The following NBEA variants were observed in gnomAD, a reference collection of about 807,000 sequenced individuals.
The protein encoded by NBEA is neurobeachin, also known as lysosomal-trafficking regulator 2.
Under a neutral mutation model 343.4 loss-of-function variants are expected in NBEA, and 44 were observed. That is an observed-to-expected ratio of 0.13 (90% CI 0.10 to 0.16). The LOEUF is 0.16. Among genes scored for constraint, NBEA ranks in the 10% least tolerant of loss-of-function variants. The pLI, the probability that NBEA is intolerant of heterozygous loss-of-function variation, is 1.00. For missense variants in NBEA, 2,555 were observed against 3,631.3 expected (o/e 0.70, Z 7.62); for synonymous variants, 1,175 against 1,238.7 (o/e 0.95, Z 1.08).
intron 1 of NBEA, among the ~76,000 whole-genome samples, chr13:34,968,872 C>G (rs2059910649): frequency 7.3e-6 from 1 of 137,780 alleles, no homozygotes; most frequent in Non-Finnish European, 1.6e-5. Flanking sequence ...GTTTTAATAT[C>G]AATTATTAAT....
intron 36 of NBEA, among the ~76,000 whole-genome samples, chr13:35,334,732 C>A (rs576153584): frequency 6.6e-6 from 1 of 152,276 alleles, no homozygotes; most frequent in Non-Finnish European, 1.5e-5. Flanking sequence ...GTTATTTGAG[C>A]TCCTTATATA....
intron 10 of NBEA, among the ~76,000 whole-genome samples, chr13:35,080,928 C>A (rs2064358918): frequency 6.6e-6 from 1 of 152,094 alleles, no homozygotes; most frequent in African/African-American, 2.4e-5. Context: ...TCCCTTCCAG[C>A]AACTCTTGGT....
At chr13:35,610,719 C>T (rs569091335) in intron 48 of NBEA, among the ~76,000 whole-genome samples, 63 of 152,186 alleles carry the variant, frequency 4.1e-4, no homozygotes, top group African/African-American at 1.4e-3. Context: ...TTTATTAAAA[C>T]TTAGCTTGTT....
intron 34 of NBEA, among the ~76,000 whole-genome samples, chr13:35,241,457 T>C (rs2030259934): frequency 6.6e-6 from 1 of 151,736 alleles, no homozygotes; most frequent in South Asian, 2.1e-4. Flanking sequence ...ATATCAAATG[T>C]TTCAGGAGAA....
chr13:35,215,899 G>A (rs1431612749), intron 33 of NBEA, among the ~76,000 whole-genome samples: 4 of 150,890 alleles, frequency 2.7e-5, no homozygotes, highest in Non-Finnish European at 5.9e-5. Context: ...ATTTATTTTT[G>A]TATCTGTTTT....
At chr13:35,277,228 A>G (rs560065917) in intron 34 of NBEA, among the ~76,000 whole-genome samples, 6 of 152,272 alleles carry the variant, frequency 3.9e-5, no homozygotes, top group African/African-American at 7.2e-5. Context: ...ACCAAGGTGG[A>G]TGACATGCAG....
chr13:35,348,514 A>G (rs1405704563), intron 36 of NBEA, among the ~76,000 whole-genome samples: 2 of 152,054 alleles, frequency 1.3e-5, no homozygotes, highest in Non-Finnish European at 2.9e-5. Flanking sequence ...TGTAGTTAAA[A>G]AAGTCAGCTA....
intron 36 of NBEA, among the ~76,000 whole-genome samples, chr13:35,325,157 T>C (rs1375146627): frequency 6.6e-6 from 1 of 152,020 alleles, no homozygotes; most frequent in Non-Finnish European, 1.5e-5. Flanking sequence ...TTTTCTTTTT[T>C]AAAAGAATTA....
intron 44 of NBEA, among the ~76,000 whole-genome samples, chr13:35,564,798 G>A (rs554286865): frequency 3.3e-5 from 5 of 152,138 alleles, no homozygotes; most frequent in Admixed American, 6.5e-5. Context: ...ATACCTCTAC[G>A]CCTTTGCATA....
intron 41 of NBEA, among the ~76,000 whole-genome samples, chr13:35,516,313 CA>C (rs1373125856): frequency 6.6e-6 from 1 of 151,898 alleles, no homozygotes; most frequent in Non-Finnish European, 1.5e-5. Flanking sequence ...AGATAATAAT[CA>C]AGAGTGTAAT....
chr13:35,407,320 C>G (rs1299795273), intron 38 of NBEA, among the ~76,000 whole-genome samples: 1 of 151,884 alleles, frequency 6.6e-6, no homozygotes, highest in Non-Finnish European at 1.5e-5. Context: ...GACTATAAAA[C>G]CACTTTATTC....
At chr13:35,644,446 CTA>C (rs2084121447) in intron 49 of NBEA, among the ~76,000 whole-genome samples, 1 of 152,148 alleles carries the variant, frequency 6.6e-6, no homozygotes, top group African/African-American at 2.4e-5. Flanking sequence ...AGAAACAAAA[CTA>C]GAGTCAAGCA....
chr13:34,991,008 T>A (rs1455667612), intron 1 of NBEA, among the ~76,000 whole-genome samples: 1 of 152,222 alleles, frequency 6.6e-6, no homozygotes, highest in Non-Finnish European at 1.5e-5. Flanking sequence ...ACAAAAGTGA[T>A]CTTTGCCCCA....
rs1164276105 is a variant in NBEA, at chr13:35,168,917, CATTTA to C, written c.4234-62_4234-58del. On this transcript the variant is annotated intron_variant, in intron 24 of 58. Coordinates refer to ENST00000379939, the MANE Select transcript of NBEA (RefSeq NM_001385012.1). ...GTGTTTCAATTTTACATTGTATTTT[CATTTA>C]ATTTAATAATTTCCTTTTCTTGTAC... 3.7e-6 allele frequency: 4 copies of C among 1,074,532 alleles called. No homozygotes were observed. In the African/African-American group the frequency reaches 6.6e-5, roughly 18 times the overall value. The allele number at this position is 1,074,532 out of a possible 1,614,324, so 66.6% of individuals were successfully genotyped here.
intron 1 of NBEA, among the ~76,000 whole-genome samples, chr13:34,977,231 C>A (rs1479658604): frequency 1.3e-5 from 2 of 151,974 alleles, no homozygotes; most frequent in South Asian, 2.1e-4. Context: ...TGAGCCACTG[C>A]GCCCAGCTAG....
At chr13:35,528,518 TA>T (rs2078094451) in intron 41 of NBEA, among the ~76,000 whole-genome samples, 1 of 152,206 alleles carries the variant, frequency 6.6e-6, no homozygotes, top group Non-Finnish European at 1.5e-5. Context: ...GTTAATATTT[TA>T]AAACAAGGTT....
At chr13:35,322,592 GC>G (rs1338257203) in intron 36 of NBEA, among the ~76,000 whole-genome samples, 1 of 152,148 alleles carries the variant, frequency 6.6e-6, no homozygotes, top group East Asian at 1.9e-4. Flanking sequence ...AACGCCCCAT[GC>G]TCCTTTTTTG....
intron 1 of NBEA, among the ~76,000 whole-genome samples, chr13:34,957,168 T>C (rs1396430416): frequency 2.0e-5 from 3 of 152,182 alleles, no homozygotes; most frequent in Admixed American, 6.5e-5. Flanking sequence ...TTTGTTCTCA[T>C]AGTAGAGCTA....
intron 1 of NBEA, among the ~76,000 whole-genome samples, chr13:34,966,275 C>T (rs941081865): frequency 6.6e-6 from 1 of 151,968 alleles, no homozygotes; most frequent in Admixed American, 6.6e-5. Context: ...GTAGTGTCCT[C>T]TTATCCTTTC....
Sources: gnomAD v4.1 joint callset for allele counts (sites outside exome capture counted in the v4.1 genomes callset) on GRCh38, gnomAD v4.1.1 for gene constraint, MANE v1.5 for transcripts, NCBI Gene and HGNC (gene_info 2026-07-23, HGNC 2026-07-21) for gene names.